ANK3: variants seen among roughly 807,000 people sequenced by gnomAD.
The protein encoded by ANK3 is ankyrin-3.
ANK3 carries 57 observed loss-of-function variants against 370.9 expected under a neutral mutation model. That is an observed-to-expected ratio of 0.15 (90% confidence interval 0.12 to 0.19). The LOEUF is 0.19. ANK3 is among the 10% of genes least tolerant of loss of function. ANK3 has a pLI of 1.00. For missense variants in ANK3, 4,439 were observed against 5,302.1 expected, an observed-to-expected ratio of 0.84 and a Z score of 5.06; for synonymous variants, 1,929 against 1,946.3, an observed-to-expected ratio of 0.99 and a Z score of 0.23.
At chr10:60,119,262 G>A (rs1438722453) in intron 25 of ANK3, among the ~76,000 whole-genome samples, 1 of 152,152 alleles carries the variant, frequency 6.6e-6, no homozygotes, top group Non-Finnish European at 1.5e-5. Flanking sequence ...GGAACCTACG[G>A]TTTTATACAT....
At chr10:60,455,397 A>G (rs1375355813) in intron 2 of ANK3, among the ~76,000 whole-genome samples, 1 of 152,212 alleles carries the variant, frequency 6.6e-6, no homozygotes, top group Non-Finnish European at 1.5e-5. Flanking sequence ...AACTAAATAT[A>G]GGTAATGAAA....
intron 2 of ANK3, among the ~76,000 whole-genome samples, chr10:60,597,814 T>G (rs937802149): frequency 6.6e-6 from 1 of 152,154 alleles, no homozygotes; most frequent in African/African-American, 2.4e-5. Context: ...ACTGCAACCC[T>G]TTCTTAAGAA....
At chr10:60,344,601 G>A (rs2054996299) in intron 1 of ANK3, among the ~76,000 whole-genome samples, 1 of 152,076 alleles carries the variant, frequency 6.6e-6, no homozygotes, top group African/African-American at 2.4e-5. Flanking sequence ...CCACCCTCCT[G>A]AAAATATCTT....
intron 1 of ANK3, among the ~76,000 whole-genome samples, chr10:60,722,027 T>C (rs895075339): frequency 1.3e-5 from 2 of 151,994 alleles, no homozygotes; most frequent in African/African-American, 4.8e-5. Flanking sequence ...TTTTCAAACA[T>C]CTGAATAATT....
intron 26 of ANK3, among the ~76,000 whole-genome samples, chr10:60,112,577 T>C (rs10821676): frequency 0.37 from 55,750 of 152,024 alleles, 10,447 homozygotes; most frequent in Admixed American, 0.42. Flanking sequence ...CTCAGAATTG[T>C]AGTATTACAA....
chr10:60,079,403 T>G (rs903492708), intron 36 of ANK3, among the ~76,000 whole-genome samples: 3 of 152,182 alleles, frequency 2.0e-5, no homozygotes, highest in Non-Finnish European at 4.4e-5. Flanking sequence ...ACTTCTCTAA[T>G]AGTCAAGGAG....
At chr10:60,363,103 C>T (rs1006608484) in intron 1 of ANK3, among the ~76,000 whole-genome samples, 1 of 151,056 alleles carries the variant, frequency 6.6e-6, no homozygotes, top group African/African-American at 2.4e-5. Context: ...GGGCGGGGGG[C>T]GCAATACAAC....
rs376710731 is a variant in ANK3, at chr10:60,469,197, GTA to G, written c.96+145987_96+145988del. Among the ~76,000 whole-genome samples, 21 of 22,770 alleles carry G rather than the reference GTA, an allele frequency of 9.2e-4. 3 individuals are homozygous for G. The highest frequency in any genetic ancestry group is 2.8e-3 in the African/African-American group (19 of 6,864). The allele number at this position is 22,770 out of a possible 152,430, so 14.9% of individuals were successfully genotyped here. ...TATATATATATACACCACTTTTAGT[GTA>G]TATATATATACCACTTTTAGTGCAT... On this transcript the variant is annotated intron_variant, in intron 2 of 43. Transcript: ENST00000373827.
At chr10:60,422,537 T>C (rs2063800630) in intron 2 of ANK3, among the ~76,000 whole-genome samples, 1 of 152,132 alleles carries the variant, frequency 6.6e-6, no homozygotes. Flanking sequence ...TCTTATCTTT[T>C]GGATTTCAGT....
chr10:60,568,734 C>A (rs1020158303), intron 2 of ANK3, among the ~76,000 whole-genome samples: 8 of 152,154 alleles, frequency 5.3e-5, no homozygotes, highest in Admixed American at 5.2e-4. Context: ...TGTCTCCCCT[C>A]AACCCCCCAA....
chr10:60,722,765 T>C (rs754692561), intron 1 of ANK3, among the ~76,000 whole-genome samples: 3 of 152,138 alleles, frequency 2.0e-5, no homozygotes, highest in Non-Finnish European at 2.9e-5. Context: ...AGTGAGTTCA[T>C]GGGAGATCTG....
At chr10:60,418,910 G>A (rs2063723816) in intron 2 of ANK3, among the ~76,000 whole-genome samples, 1 of 151,968 alleles carries the variant, frequency 6.6e-6, no homozygotes, top group African/African-American at 2.4e-5. Flanking sequence ...GATCAAAACC[G>A]AGATTCTAAA....
chr10:60,270,095 C>A (rs368726237), intron 5 of ANK3, 36 bp downstream of exon 5: 1 of 1,414,888 alleles, frequency 7.1e-7, no homozygotes, highest in Non-Finnish European at 9.5e-7. Flanking sequence ...CCTATAAATA[C>A]GTGAACTCAC....
intron 2 of ANK3, among the ~76,000 whole-genome samples, chr10:60,422,947 A>G (rs1005436624): frequency 2.0e-5 from 3 of 152,182 alleles, no homozygotes; most frequent in South Asian, 2.1e-4. Flanking sequence ...GCATTTCACA[A>G]TGAGGCACTA....
intron 16 of ANK3, among the ~76,000 whole-genome samples, chr10:60,195,228 C>T (rs1383619672): frequency 6.6e-6 from 1 of 151,888 alleles, no homozygotes; most frequent in Non-Finnish European, 1.5e-5. Context: ...ACCAAAAATA[C>T]AAAAAATTGG....
intron 9 of ANK3, among the ~76,000 whole-genome samples, chr10:60,210,097 A>G (rs1398808467): frequency 6.6e-6 from 1 of 152,206 alleles, no homozygotes; most frequent in Non-Finnish European, 1.5e-5. Flanking sequence ...GTACTCATTC[A>G]CTTAATAGTC....
intron 36 of ANK3, among the ~76,000 whole-genome samples, chr10:60,079,225 A>ACACACACACACACACC (rs376356885): frequency 1.0e-3 from 146 of 142,722 alleles, no homozygotes; most frequent in African/African-American, 3.5e-3. Flanking sequence ...ACACACACAC[A>ACACACACACACACACC]CCCCTCTTCT....
chr10:60,096,928 T>C (rs2090255242), intron 28 of ANK3, among the ~76,000 whole-genome samples: 1 of 152,200 alleles, frequency 6.6e-6, no homozygotes, highest in Admixed American at 6.5e-5. Context: ...TGATTCATAA[T>C]GCCATAGACT....
chr10:60,052,917 AC>A (rs2078374100), intron 42 of ANK3, among the ~76,000 whole-genome samples: 2 of 152,196 alleles, frequency 1.3e-5, no homozygotes, highest in South Asian at 4.1e-4. Flanking sequence ...TAGATAATAA[AC>A]TAGGCCATCT....
Sources: gnomAD v4.1 joint callset for allele counts (sites outside exome capture counted in the v4.1 genomes callset) on GRCh38, gnomAD v4.1.1 for gene constraint, MANE v1.5 for transcripts, NCBI Gene and HGNC (gene_info 2026-07-23, HGNC 2026-07-21) for gene names.